STN1: variants seen among roughly 807,000 people sequenced by gnomAD.
STN1 encodes STN1 subunit of CST complex.
A neutral mutation model predicts 45.5 loss-of-function variants in STN1; 29 were observed. That is an observed-to-expected ratio of 0.64 (90% CI 0.47 to 0.87). The LOEUF (loss-of-function observed/expected upper bound fraction) is 0.87, where lower values mean the gene tolerates loss of function less well. STN1 is among the 40% of genes least tolerant of loss of function. The pLI, the probability that STN1 is intolerant of heterozygous loss-of-function variation, is 0.00. For missense variants in STN1, 376 were observed against 441.4 expected (o/e 0.85, Z 1.33); for synonymous variants, 148 against 159.0 (o/e 0.93, Z 0.52).
chr10:103,905,870 T>C (rs578086270), intron 3 of STN1, among the ~76,000 whole-genome samples: 11 of 152,340 alleles, frequency 7.2e-5, no homozygotes, highest in East Asian at 3.9e-4. Flanking sequence ...ACAATTCCCA[T>C]TGCAGTTATA....
At chr10:103,883,100 G>T (rs909027463) in intron 9 of STN1, among the ~76,000 whole-genome samples, 2 of 152,166 alleles carry the variant, frequency 1.3e-5, no homozygotes, top group Non-Finnish European at 2.9e-5. Flanking sequence ...CCCAATCAAA[G>T]ATTTTTTTAT....
At position 103,909,372 on chromosome 10, in the gene STN1, ATATATATGTATATATATG is replaced by A. The variant is rs1359269175; in HGVS notation, c.229+1137_229+1154del. On this transcript the variant is annotated intron_variant, in intron 3 of 9. Transcript: ENST00000224950. ...TCAGAATCAAAAAAAAAAAATATATATATATATGTATATATATGTATATATGTATATATATGTATATAT... is the reference window on the plus strand; with the variant it reads ...TCAGAATCAAAAAAAAAAAATATATATATATATGTATATATATGTATATAT... Among the ~76,000 whole-genome samples, 20 of 89,150 alleles carry A rather than the reference ATATATATGTATATATATG, an allele frequency of 2.2e-4. 1 individual carries two copies. The highest frequency in any genetic ancestry group is 5.2e-4 in the African/African-American group (13 of 24,782). The allele number at this position is 89,150 out of a possible 152,430, so 58.5% of individuals were successfully genotyped here.
chr10:103,879,862 AG>A lies in STN1; in HGVS notation c.*2821del, dbSNP rs1480608281. Reference sequence around the variant, plus strand: ...TGGATGTGAGGTATGATAGAAAGAAAGAAGCCAATGGATTTGGTTTGAGCAA... The same window carrying A: ...TGGATGTGAGGTATGATAGAAAGAAAAAGCCAATGGATTTGGTTTGAGCAA... On this transcript the variant is annotated 3_prime_UTR_variant, in exon 10 of 10. Coordinates refer to ENST00000224950, the MANE Select transcript of STN1 (RefSeq NM_024928.5). The A allele has an allele frequency of 6.6e-6, 1 of 152,366 alleles. No individual in the cohort carries two copies. Among genetic ancestry groups the A allele is most frequent in the Non-Finnish European group, 1.5e-5 (1 of 68,124 alleles). The allele number at this position is 152,366 out of a possible 1,614,324, so 9.4% of individuals were successfully genotyped here.
At chr10:103,892,839 C>A in intron 7 of STN1, among the ~76,000 whole-genome samples, 1 of 152,320 alleles carries the variant, frequency 6.6e-6, no homozygotes, top group East Asian at 1.9e-4. Flanking sequence ...GCTGTCAGCT[C>A]TCCCCCTCAC....
At chr10:103,910,370 C>G (rs1843281515) in intron 3 of STN1, among the ~76,000 whole-genome samples, 157 bp downstream of exon 3, 1 of 150,958 alleles carries the variant, frequency 6.6e-6, no homozygotes, top group Non-Finnish European at 1.5e-5. Flanking sequence ...ATTCTTAGCC[C>G]GTGTCTGGGG....
chr10:103,907,676 CTA>C (rs1375918463), intron 3 of STN1, among the ~76,000 whole-genome samples: 1 of 152,076 alleles, frequency 6.6e-6, no homozygotes, highest in Non-Finnish European at 1.5e-5. Flanking sequence ...AAAATTATCT[CTA>C]GTTTGAAATT....
chr10:103,892,170 A>T lies in STN1; in HGVS notation c.836T>A (p.Leu279His). 1 of 1,612,412 alleles carries T rather than the reference A, an allele frequency of 6.2e-7. No homozygotes were observed. The highest frequency in any genetic ancestry group is 1.3e-5 in the African/African-American group (1 of 74,978). Residue 279 changes from leucine (L) to histidine (H), a missense_variant, in exon 8 of 10, where the codon CTT (leucine) becomes CAT (histidine). Leu to His is a moderately conservative substitution (Grantham distance 99). Transcript: ENST00000224950. ...NAIQLLQEKGLVFQKDDGFDN... is the reference protein window; with the variant it reads ...NAIQLLQEKGHVFQKDDGFDN... ...AAAACCATCATCTTTCTGGAAAACA[A>T]GTCCTTTTTCCTGCAGCAGTTGTAT...
chr10:103,894,825 C>A (rs1843161404), intron 7 of STN1, among the ~76,000 whole-genome samples: 1 of 151,938 alleles, frequency 6.6e-6, no homozygotes, highest in South Asian at 2.1e-4. Flanking sequence ...CATTCCCAAA[C>A]AAACTCAACA....
chr10:103,907,134 G>GT (rs1358945622), intron 3 of STN1, among the ~76,000 whole-genome samples: 1 of 152,094 alleles, frequency 6.6e-6, no homozygotes, highest in East Asian at 1.9e-4. Context: ...AAAAAAAGTT[G>GT]TTTTTAAATG....
In STN1 at chr10:103,878,998, C is replaced by T. The variant is rs1339796042; in HGVS notation, c.*3686G>A. On this transcript the variant is annotated 3_prime_UTR_variant, in exon 10 of 10. Transcript: ENST00000224950. Reference sequence around the variant, plus strand: ...GTATGGAACGTGTGCCTCAGCAATGCTTACCTGAGGGCGAGGGAGCTGGGG... The same window carrying T: ...GTATGGAACGTGTGCCTCAGCAATGTTTACCTGAGGGCGAGGGAGCTGGGG... 6.6e-6 allele frequency: 1 copy of T among 152,318 alleles called. No homozygotes were observed. The highest frequency in any genetic ancestry group is 1.5e-5 in the Non-Finnish European group (1 of 68,136). 9.4% of individuals were successfully genotyped at this position (152,318 alleles called of 1,614,324 possible). A position where few individuals can be genotyped will look rare whatever the true frequency, so the allele number is the denominator to read the frequency against.
rs1589493771 is a variant in STN1 at position 103,879,624 on chromosome 10, A to T, written c.*3060T>A. 6.6e-6 allele frequency: 1 copy of T among 152,538 alleles called. No individual in the cohort carries two copies. The highest frequency in any genetic ancestry group is 1.5e-5 in the Non-Finnish European group (1 of 68,326). 9.4% of individuals were successfully genotyped at this position (152,538 alleles called of 1,614,324 possible). On this transcript the variant is annotated 3_prime_UTR_variant, in exon 10 of 10. Coordinates refer to ENST00000224950, the MANE Select transcript of STN1 (RefSeq NM_024928.5). ...GGGCAGGGTAAGCGGGGCCGTGCTG[A>T]CCTCTGTGCAGCCTCAGGCTCCTAC...
intron 4 of STN1, among the ~76,000 whole-genome samples, chr10:103,904,463 A>G (rs1480429157): frequency 2.0e-5 from 3 of 151,978 alleles, no homozygotes; most frequent in African/African-American, 7.2e-5. Flanking sequence ...AAAAAAAAAA[A>G]AGTATCTAAA....
chr10:103,914,374 A>ATTTTTTTTTT (rs1264013304), intron 2 of STN1, among the ~76,000 whole-genome samples: 5 of 97,360 alleles, frequency 5.1e-5, no homozygotes, highest in African/African-American at 2.0e-4. Flanking sequence ...ATATATATAT[A>ATTTTTTTTTT]TTTTTTTTTT....
chr10:103,896,901 A>G (rs1484610383), intron 7 of STN1, among the ~76,000 whole-genome samples: 1 of 152,154 alleles, frequency 6.6e-6, no homozygotes, highest in Non-Finnish European at 1.5e-5. Context: ...TCTAAGGTCC[A>G]TAGTAGTAGG....
rs767186671 is a variant in STN1, at chr10:103,881,121, C to T, written c.*1563G>A. On this transcript the variant is annotated 3_prime_UTR_variant, in exon 10 of 10. Coordinates refer to ENST00000224950, the MANE Select transcript of STN1 (RefSeq NM_024928.5). ...CATAGCTGCATAGTATTTCATTGTG[C>T]CCAAGAACCGTAATTAACTTTTTCC... 2.0e-5 allele frequency among the ~76,000 whole-genome samples: 3 copies of T among 152,072 alleles called. No individual in the cohort carries two copies. The highest frequency in any genetic ancestry group is 2.4e-5 in the African/African-American group (1 of 41,392).
intron 4 of STN1, among the ~76,000 whole-genome samples, chr10:103,903,852 A>T (rs1010780406): frequency 6.6e-5 from 10 of 152,234 alleles, no homozygotes; most frequent in Admixed American, 2.0e-4. Flanking sequence ...CCTATGAGGT[A>T]TCTGCCTAAA....
chr10:103,908,227 G>A (rs1843256401), intron 3 of STN1, among the ~76,000 whole-genome samples: 1 of 152,074 alleles, frequency 6.6e-6, no homozygotes, highest in Non-Finnish European at 1.5e-5. Flanking sequence ...GTCTAAGCTC[G>A]AGTTGCTACC....
chr10:103,917,800 G>A (rs1291158501), intron 1 of STN1, 144 bp from the exon 2 acceptor site: 1 of 537,328 alleles, frequency 1.9e-6, no homozygotes, highest in South Asian at 2.4e-5. Flanking sequence ...CCATGCCACG[G>A]GGCGTGTTAA....
At chr10:103,897,794 A>C in intron 6 of STN1, 75 bp from the exon 7 acceptor site, 2 of 1,476,228 alleles carry the variant, frequency 1.4e-6, no homozygotes, top group East Asian at 2.3e-5. Context: ...AAAAACCAGA[A>C]AATTAGCTAG....
Sources: allele counts gnomAD v4.1 joint callset (sites outside exome capture counted in the v4.1 genomes callset), GRCh38; gene constraint gnomAD v4.1.1; transcripts MANE v1.5; gene names NCBI Gene and HGNC (gene_info 2026-07-23, HGNC 2026-07-21).